The following GRIN2A variants were observed in gnomAD, a reference collection of about 807,000 sequenced individuals.
GRIN2A encodes the protein glutamate receptor ionotropic, NMDA 2A.
In GRIN2A, 22 loss-of-function variants were observed where a neutral mutation model predicts 113.4. The ratio of observed to expected loss-of-function variants is 0.19; its 90% CI spans 0.14 to 0.28. The LOEUF is 0.28. GRIN2A is among the 10% of genes least tolerant of loss of function. The probability of loss-of-function intolerance (pLI) is 1.00; values close to 1 mark genes in which losing one functional copy is unlikely to be tolerated. For synonymous variants in GRIN2A, 827 were observed against 738.4 expected (o/e 1.12, Z -1.94); for missense variants, 1,502 against 1,887.0 (o/e 0.80, Z 3.78).
chr16:9,811,086 TG>T (rs1349102845), intron 10 of GRIN2A, among the ~76,000 whole-genome samples: 2 of 152,042 alleles, frequency 1.3e-5, no homozygotes, highest in East Asian at 1.9e-4. Flanking sequence ...CCTGGGTCAG[TG>T]GAGATGTGTT....
chr16:9,995,927 C>A (rs2046213831), intron 2 of GRIN2A, among the ~76,000 whole-genome samples: 1 of 145,320 alleles, frequency 6.9e-6, no homozygotes, highest in South Asian at 2.2e-4. Flanking sequence ...ACTAGGAGAG[C>A]TAGAAGGGCA....
At position 9,920,360 on chromosome 16, in the gene GRIN2A, C is replaced by T. The variant is rs140700440; in HGVS notation, c.1007+17599G>A. Among the ~76,000 whole-genome samples the T allele has an allele frequency of 4.6e-4, 70 of 152,210 alleles. No individual in the cohort carries two copies. The East Asian group carries it at 0.011, about 24-fold the overall frequency. On this transcript the variant is annotated intron_variant, in intron 3 of 12. Coordinates refer to ENST00000330684, the MANE Select transcript of GRIN2A (RefSeq NM_001134407.3). ...TTGTTTTGTTTTGCTTTCACCTCAT[C>T]GGCTGAAGACAAACACCCTCTCCCA...
At chr16:9,899,279 A>G (rs1445857299) in intron 3 of GRIN2A, among the ~76,000 whole-genome samples, 1 of 151,898 alleles carries the variant, frequency 6.6e-6, no homozygotes, top group Non-Finnish European at 1.5e-5. Context: ...TCTCTACTAA[A>G]AATACCAAAA....
In GRIN2A at chr16:9,755,666, G is replaced by A. The variant is rs551009533; in HGVS notation, c.*7483C>T. 1.1e-4 allele frequency: 22 copies of A among 199,622 alleles called. No homozygotes were observed. Among genetic ancestry groups the A allele is most frequent in the Non-Finnish European group, 1.8e-4 (17 of 96,482 alleles). The allele number at this position is 199,622 out of a possible 1,614,324, so 12.4% of individuals were successfully genotyped here. On this transcript the variant is annotated 3_prime_UTR_variant, in exon 13 of 13. Transcript: ENST00000330684. Reference sequence around the variant, plus strand: ...GAAATGTGGCTTAGACCATGGAGAGGGGGGAATGCAGGAAAGGCAGTGTGT... The same window carrying A: ...GAAATGTGGCTTAGACCATGGAGAGAGGGGAATGCAGGAAAGGCAGTGTGT...
intron 11 of GRIN2A, among the ~76,000 whole-genome samples, chr16:9,783,817 A>T (rs1453377867): frequency 6.6e-6 from 1 of 152,214 alleles, no homozygotes; most frequent in African/African-American, 2.4e-5. Flanking sequence ...AGTGATTCTT[A>T]AACCTTATGG....
intron 2 of GRIN2A, among the ~76,000 whole-genome samples, chr16:9,985,614 C>G (rs2045965494): frequency 6.6e-6 from 1 of 151,412 alleles, no homozygotes; most frequent in Non-Finnish European, 1.5e-5. Context: ...CATATTCCCA[C>G]TTATTTGTGA....
rs2142389622 is a variant in GRIN2A, at chr16:10,180,178, G to A, written c.234C>T (p.Asp78=). 2 of 1,614,210 alleles carry A rather than the reference G, an allele frequency of 1.2e-6. No homozygotes were observed. The highest frequency in any genetic ancestry group is 2.2e-5 in the South Asian group (2 of 91,088). Reference sequence around the variant, plus strand: ...ACACGTGCGTGATGAGGCTCTTGGGGTCGGTGCGGTTCATCAGCAGAGCTA... The same window carrying A: ...ACACGTGCGTGATGAGGCTCTTGGGATCGGTGCGGTTCATCAGCAGAGCTA... The part of the protein sequence containing the change: ...NVVALLMNRT[D]PKSLITHVCD... Residue 78 remains aspartate (D), a synonymous_variant, in exon 2 of 13, where the codon GAC becomes GAT. Transcript: ENST00000330684. The surrounding 1 kb of genome is among the most constrained non-coding windows in gnomAD (Gnocchi z 7.0).
At chr16:10,152,680 G>C (rs1018750258) in intron 2 of GRIN2A, among the ~76,000 whole-genome samples, 4 of 152,136 alleles carry the variant, frequency 2.6e-5, no homozygotes, top group Non-Finnish European at 5.9e-5. Flanking sequence ...ACAAGCAATA[G>C]TGCTGAGGTC....
chr16:10,014,944 G>A (rs1400848978), intron 2 of GRIN2A, among the ~76,000 whole-genome samples: 1 of 152,112 alleles, frequency 6.6e-6, no homozygotes. Flanking sequence ...TTAGAAGGTT[G>A]TTATAATCAT....
chr16:9,980,506 T>C (rs563179408), intron 2 of GRIN2A, among the ~76,000 whole-genome samples: 78 of 152,274 alleles, frequency 5.1e-4, no homozygotes, highest in Non-Finnish European at 9.6e-4. Context: ...CAAAGGATTA[T>C]AAATCATGCT....
At chr16:9,932,679 G>A (rs138961819) in intron 3 of GRIN2A, among the ~76,000 whole-genome samples, 95 of 152,012 alleles carry the variant, frequency 6.2e-4, no homozygotes, top group African/African-American at 2.1e-3. Context: ...CACCACGCCC[G>A]GCCTAATAAC....
intron 12 of GRIN2A, among the ~76,000 whole-genome samples, chr16:9,767,639 TAAG>T (rs1901004473): frequency 6.6e-6 from 1 of 150,830 alleles, no homozygotes; most frequent in Non-Finnish European, 1.5e-5. Flanking sequence ...GGTGGGCAAA[TAAG>T]AGAGATGAGT....
intron 2 of GRIN2A, among the ~76,000 whole-genome samples, chr16:9,975,840 A>G (rs1460357614): frequency 6.6e-6 from 1 of 152,218 alleles, no homozygotes; most frequent in Non-Finnish European, 1.5e-5. Flanking sequence ...ACAACACACA[A>G]CCAGAAAATG....
intron 10 of GRIN2A, among the ~76,000 whole-genome samples, chr16:9,808,973 G>A (rs980749775): frequency 6.6e-6 from 1 of 151,926 alleles, no homozygotes; most frequent in Non-Finnish European, 1.5e-5. Context: ...TGCATATCAT[G>A]GAGTTCTTTC....
At chr16:10,123,471 T>C (rs932871412) in intron 2 of GRIN2A, among the ~76,000 whole-genome samples, 2 of 152,202 alleles carry the variant, frequency 1.3e-5, no homozygotes, top group African/African-American at 2.4e-5. Flanking sequence ...GTTTGCAAGA[T>C]ACTGAAGTCG....
chr16:9,905,075 T>G (rs978493950), intron 3 of GRIN2A, among the ~76,000 whole-genome samples: 5 of 152,238 alleles, frequency 3.3e-5, no homozygotes, highest in Non-Finnish European at 7.3e-5. Flanking sequence ...TCAAATCTAC[T>G]TCTTAGTAAA....
intron 2 of GRIN2A, among the ~76,000 whole-genome samples, chr16:9,948,308 A>C (rs2045072007): frequency 6.6e-6 from 1 of 152,218 alleles, no homozygotes; most frequent in Non-Finnish European, 1.5e-5. Context: ...CTCAAACTCC[A>C]ATGAGCATAA....
intron 9 of GRIN2A, among the ~76,000 whole-genome samples, chr16:9,827,315 C>T (rs377297502): frequency 9.9e-5 from 15 of 152,282 alleles, no homozygotes; most frequent in African/African-American, 2.6e-4. Flanking sequence ...CCGCTTTAGG[C>T]GGGGATCTTA....
intron 2 of GRIN2A, among the ~76,000 whole-genome samples, chr16:10,106,610 C>T (rs1330869560): frequency 6.6e-6 from 1 of 151,968 alleles, no homozygotes; most frequent in East Asian, 1.9e-4. Flanking sequence ...AGTGGCCTGA[C>T]CCCCAGAAGG....
Sources: gnomAD v4.1 joint callset for allele counts (sites outside exome capture counted in the v4.1 genomes callset) on GRCh38, gnomAD v4.1.1 for gene constraint, Gnocchi (gnomAD v3.1) non-coding constraint, MANE v1.5 for transcripts, NCBI Gene and HGNC (gene_info 2026-07-23, HGNC 2026-07-21) for gene names.